Variants in TMEM245 observed in about 807,000 individuals in gnomAD.
The protein encoded by TMEM245 is transmembrane protein 245.
A neutral mutation model predicts 101.2 loss-of-function variants in TMEM245; 69 were observed. The ratio of observed to expected loss-of-function variants is 0.68; its 90% CI spans 0.56 to 0.83. TMEM245 has a LOEUF of 0.83. Among genes scored for constraint, TMEM245 ranks in the 40% least tolerant of loss-of-function variants. The pLI, the probability that TMEM245 is intolerant of heterozygous loss-of-function variation, is 0.00. For synonymous variants in TMEM245, 537 were observed against 449.8 expected (o/e 1.19, Z -2.45); for missense variants, 1,075 against 1,092.8 (o/e 0.98, Z 0.23).
chr9:109,045,591 G>C (rs1306751384), intron 14 of TMEM245, among the ~76,000 whole-genome samples: 1 of 152,088 alleles, frequency 6.6e-6, no homozygotes, highest in African/African-American at 2.4e-5. Context: ...AATAACAAGG[G>C]GTTGTTTCAA....
chr9:109,083,930 CA>C (rs1829758406), intron 7 of TMEM245, among the ~76,000 whole-genome samples: 1 of 29,400 alleles, frequency 3.4e-5, no homozygotes, highest in African/African-American at 1.0e-4. Context: ...AAAAAAAAAA[CA>C]CCAGGCATGG....
rs1041348915 is a variant in TMEM245, at chr9:109,093,464, A to C, written c.916+11T>G. On this transcript the variant is annotated intron_variant, in intron 4 of 17. Transcript: ENST00000374586. ...CAGAATAACCTTGAATGTCACCAGAACATCAGTCACCTGCAGGCTGAGTGG... is the reference window on the plus strand; with the variant it reads ...CAGAATAACCTTGAATGTCACCAGACCATCAGTCACCTGCAGGCTGAGTGG... 2.5e-6 allele frequency: 4 copies of C among 1,603,274 alleles called. No individual in the cohort carries two copies. The highest frequency in any genetic ancestry group is 3.4e-6 in the Non-Finnish European group (4 of 1,173,912).
intron 8 of TMEM245, among the ~76,000 whole-genome samples, chr9:109,075,137 A>G (rs538360421): frequency 1.3e-5 from 2 of 152,354 alleles, no homozygotes; most frequent in South Asian, 4.1e-4. Context: ...CAGTAGCGGT[A>G]CTGAGAAAGA....
rs73531364 is a variant in TMEM245 at position 109,073,833 on chromosome 9, T to C, written c.1450-395A>G. Among the ~76,000 whole-genome samples the C allele has an allele frequency of 3.7e-3, 547 of 148,108 alleles. 5 individuals are homozygous for C. Among genetic ancestry groups the C allele is most frequent in the African/African-American group, 0.013 (523 of 40,328 alleles). ...ACGCAGTGTGAGACAAACAGGCAAATAAGGAACTAACTTTTTTTTTTTGTT... is the reference window on the plus strand; with the variant it reads ...ACGCAGTGTGAGACAAACAGGCAAACAAGGAACTAACTTTTTTTTTTTGTT... On this transcript the variant is annotated intron_variant, in intron 8 of 17. Coordinates refer to ENST00000374586, the MANE Select transcript of TMEM245 (RefSeq NM_032012.4).
Position 109,020,513 on chromosome 9 carries a change from A to C in TMEM245, c.2595-8T>G. 1 of 1,612,684 alleles carries C rather than the reference A, an allele frequency of 6.2e-7. No individual in the cohort carries two copies. The highest frequency in any genetic ancestry group is 8.5e-7 in the Non-Finnish European group (1 of 1,178,830). On this transcript the variant is annotated splice_polypyrimidine_tract_variant and splice_region_variant and intron_variant, in intron 17 of 17. Coordinates refer to ENST00000374586, the MANE Select transcript of TMEM245 (RefSeq NM_032012.4). ...GAAATGTCACGGAAAGTCCTAAAAG[A>C]AAAAAAGACGGAATGATTAGTTGAT...
At chr9:109,038,462 G>A in intron 14 of TMEM245, 1 of 173,516 alleles carries the variant, frequency 5.8e-6, no homozygotes, top group Non-Finnish European at 1.2e-5. Flanking sequence ...CAAAACAAAT[G>A]GAAAGAAAAT....
chr9:109,102,240 G>A (rs891281483), intron 3 of TMEM245, among the ~76,000 whole-genome samples: 14 of 152,002 alleles, frequency 9.2e-5, no homozygotes, highest in African/African-American at 3.4e-4. Flanking sequence ...AGAAAACTTA[G>A]ACACCAAAAT....
intron 17 of TMEM245, among the ~76,000 whole-genome samples, chr9:109,029,061 G>A (rs1827874722): frequency 1.3e-5 from 2 of 151,918 alleles, no homozygotes; most frequent in African/African-American, 4.8e-5. Context: ...TTTACTCTAA[G>A]GAAATAATAC....
intron 8 of TMEM245, among the ~76,000 whole-genome samples, chr9:109,076,368 C>T (rs1241092075): frequency 5.9e-5 from 5 of 84,904 alleles, no homozygotes; most frequent in Admixed American, 2.5e-4. Flanking sequence ...CATCACACAC[C>T]GGGACCCACT....
intron 9 of TMEM245, among the ~76,000 whole-genome samples, chr9:109,072,414 T>G (rs1387432703): frequency 1.3e-5 from 2 of 152,238 alleles, no homozygotes; most frequent in Non-Finnish European, 2.9e-5. Flanking sequence ...TGCCTCCCTT[T>G]CAGTGTTTTC....
intron 12 of TMEM245, among the ~76,000 whole-genome samples, chr9:109,052,033 A>G (rs1157744113): frequency 1.3e-5 from 2 of 152,380 alleles, no homozygotes; most frequent in African/African-American, 4.8e-5. Context: ...CTAGAACCAG[A>G]TATCATGAGG....
chr9:109,091,953 A>T (rs561296381), intron 4 of TMEM245, among the ~76,000 whole-genome samples: 1 of 152,378 alleles, frequency 6.6e-6, no homozygotes, highest in South Asian at 2.1e-4. Flanking sequence ...TGTTAATTAC[A>T]AAAGTATGTC....
At chr9:109,106,911 G>A (rs368149151) in intron 2 of TMEM245, among the ~76,000 whole-genome samples, 1 of 151,964 alleles carries the variant, frequency 6.6e-6, no homozygotes, top group Non-Finnish European at 1.5e-5. Context: ...AAACCATCCC[G>A]AACTCAAACC....
At chr9:109,049,647 T>C (rs947180142) in intron 14 of TMEM245, among the ~76,000 whole-genome samples, 2 of 152,064 alleles carry the variant, frequency 1.3e-5, no homozygotes, top group Non-Finnish European at 2.9e-5. Context: ...GCCAACATGG[T>C]AAAACCTCAT....
chr9:109,050,159 G>C, intron 14 of TMEM245, 124 bp downstream of exon 14: 1 of 1,126,532 alleles, frequency 8.9e-7, no homozygotes, highest in East Asian at 2.5e-5. Context: ...TGAAAACCTT[G>C]AAAATACCAG....
intron 3 of TMEM245, among the ~76,000 whole-genome samples, chr9:109,100,601 C>A (rs909920461): frequency 1.3e-5 from 2 of 152,286 alleles, no homozygotes; most frequent in East Asian, 3.9e-4. Flanking sequence ...GCAATCCTCC[C>A]GCCTTGGCCT....
At position 109,062,361 on chromosome 9, in the gene TMEM245, A is replaced by G. The variant is rs963378256; in HGVS notation, c.1624-1909T>C. Among the ~76,000 whole-genome samples, 3 of 152,224 alleles carry G rather than the reference A, an allele frequency of 2.0e-5. No homozygotes were observed. The South Asian group carries it at 6.2e-4, about 32-fold the overall frequency. ...AACTGACTTCTATAATAAGAAATATACCAATTAATGCTTTCTAAAATTACA... is the reference window on the plus strand; with the variant it reads ...AACTGACTTCTATAATAAGAAATATGCCAATTAATGCTTTCTAAAATTACA... On this transcript the variant is annotated intron_variant, in intron 10 of 17. Coordinates refer to ENST00000374586, the MANE Select transcript of TMEM245 (RefSeq NM_032012.4).
At chr9:109,025,984 T>G (rs1451742697) in intron 17 of TMEM245, among the ~76,000 whole-genome samples, 1 of 152,218 alleles carries the variant, frequency 6.6e-6, no homozygotes, top group Non-Finnish European at 1.5e-5. Flanking sequence ...TTTTTTGCAG[T>G]GTGGAATTAA....
chr9:109,055,367 T>A (rs1235788625), intron 12 of TMEM245, among the ~76,000 whole-genome samples: 1 of 152,252 alleles, frequency 6.6e-6, no homozygotes, highest in African/African-American at 2.4e-5. Context: ...TGGGCTTTTC[T>A]ACAGGCTGAC....
Sources: gnomAD v4.1 joint callset for allele counts (sites outside exome capture counted in the v4.1 genomes callset) on GRCh38, gnomAD v4.1.1 for gene constraint, MANE v1.5 for transcripts, NCBI Gene and HGNC (gene_info 2026-07-23, HGNC 2026-07-21) for gene names.